The following PDXDC1 variants were observed in gnomAD, a reference collection of about 807,000 sequenced individuals.
PDXDC1 encodes the protein pyridoxal dependent decarboxylase domain containing 1, also known as pyridoxal-dependent decarboxylase domain-containing protein 1.
Under a neutral mutation model 100.1 loss-of-function variants are expected in PDXDC1, and 42 were observed. The ratio of observed to expected loss-of-function variants is 0.42; its 90% confidence interval spans 0.33 to 0.54. The LOEUF is 0.54. Among genes scored for constraint, PDXDC1 ranks in the 20% least tolerant of loss-of-function variants. The pLI is 0.10. For missense variants in PDXDC1, 636 were observed against 979.2 expected (o/e 0.65, Z 4.68); for synonymous variants, 260 against 371.7 (o/e 0.70, Z 3.46).
intron 16 of PDXDC1, chr16:15,130,395 G>T (rs369321856): frequency 4.4e-6 from 7 of 1,576,444 alleles, no homozygotes; most frequent in East Asian, 2.3e-5. Flanking sequence ...CACCTCCAGC[G>T]CCGACAGGCG....
intron 16 of PDXDC1, chr16:15,130,453 T>G (rs545112652): frequency 6.8e-7 from 1 of 1,462,512 alleles, no homozygotes; most frequent in African/African-American, 1.4e-5. Flanking sequence ...GGGTCTCTGG[T>G]CCTGGGCAGG....
intron 16 of PDXDC1, among the ~76,000 whole-genome samples, chr16:15,085,917 G>T (rs1021159555): frequency 3.3e-5 from 5 of 152,110 alleles, no homozygotes; most frequent in Non-Finnish European, 7.3e-5. Flanking sequence ...TTCACCAGGA[G>T]TTCAATAAAG....
chr16:15,126,174 A>T (rs1410698641), intron 16 of PDXDC1, among the ~76,000 whole-genome samples: 2 of 151,478 alleles, frequency 1.3e-5, no homozygotes, highest in African/African-American at 4.9e-5. Context: ...AGCTGGGATT[A>T]CAGGTGCCTG....
chr16:15,083,034 G>A (rs1394743286), intron 16 of PDXDC1, among the ~76,000 whole-genome samples: 2 of 152,164 alleles, frequency 1.3e-5, no homozygotes, highest in Admixed American at 6.5e-5. Context: ...CCCAATAGCC[G>A]CTTTATAAGA....
chr16:15,021,776 T>C (rs2042226236), intron 12 of PDXDC1, among the ~76,000 whole-genome samples: 1 of 152,292 alleles, frequency 6.6e-6, no homozygotes, highest in African/African-American at 2.4e-5. Flanking sequence ...TAGTCCACAG[T>C]GGAGCATACA....
chr16:14,980,371 A>T (rs1247981086), intron 1 of PDXDC1, among the ~76,000 whole-genome samples: 1 of 152,228 alleles, frequency 6.6e-6, no homozygotes, highest in African/African-American at 2.4e-5. Flanking sequence ...TCTCAGCTCT[A>T]TGCGACCTCT....
intron 16 of PDXDC1, among the ~76,000 whole-genome samples, chr16:15,129,001 G>T (rs1269277330): frequency 1.3e-5 from 2 of 150,604 alleles, no homozygotes; most frequent in Non-Finnish European, 3.0e-5. Flanking sequence ...TAGAGACAGG[G>T]TTTCACCGTT....
Position 15,112,084 on chromosome 16 carries a change from C to T in PDXDC1, c.1400-26795C>T, listed in dbSNP as rs544439989. ...AAACATTCTCACTAATGACTGAATT[C>T]CCACCAAATTTCCATATTATCACAG... On this transcript the variant is annotated intron_variant, in intron 16 of 16. Transcript: ENST00000535621. 1.7e-4 allele frequency among the ~76,000 whole-genome samples: 25 copies of T among 148,192 alleles called. No individual in the cohort carries two copies. In the Middle Eastern group the frequency reaches 0.021, roughly 123 times the overall value.
At chr16:15,039,223 C>T (rs905345954), downstream of PDXDC1, among the ~76,000 whole-genome samples, 1 of 152,170 alleles carries the variant, frequency 6.6e-6, no homozygotes, top group African/African-American at 2.4e-5. Context: ...TGGTAACTGA[C>T]ACTGAAATAT....
chr16:15,005,159 C>T (rs140566486), intron 5 of PDXDC1, among the ~76,000 whole-genome samples: 310 of 152,222 alleles, frequency 2.0e-3, no homozygotes, highest in Non-Finnish European at 2.9e-4. Flanking sequence ...GAGATCGAGA[C>T]CATTCTGGCT....
rs144916385 is a variant in PDXDC1, at chr16:15,104,526, G to C, written c.1400-34353G>C. ...CTGAGGGTGGAGCTGAGGGTGGAAGGGGAGTGAGCAGACACTCGGAGGTGT... is the reference window on the plus strand; with the variant it reads ...CTGAGGGTGGAGCTGAGGGTGGAAGCGGAGTGAGCAGACACTCGGAGGTGT... On this transcript the variant is annotated intron_variant, in intron 16 of 16. Coordinates refer to the PDXDC1 transcript ENST00000535621. 1,108 of 1,489,930 alleles carry C rather than the reference G, an allele frequency of 7.4e-4. 16 individuals carry two copies. The highest frequency in any genetic ancestry group is 1.4e-3 in the Admixed American group (78 of 54,936). 92.3% of individuals were successfully genotyped at this position (1,489,930 alleles called of 1,614,324 possible).
intron 16 of PDXDC1, among the ~76,000 whole-genome samples, chr16:15,064,162 C>T (rs865984503): frequency 6.6e-6 from 1 of 151,806 alleles, no homozygotes; most frequent in East Asian, 1.9e-4. Flanking sequence ...CTAGATAAAT[C>T]GCTTTTTGTT....
chr16:15,071,146 C>T (rs771539827), intron 16 of PDXDC1: 4 of 1,609,146 alleles, frequency 2.5e-6, no homozygotes, highest in South Asian at 1.1e-5. Flanking sequence ...TTAGCTCTTG[C>T]CAAAAAGCTT....
At chr16:15,066,167 G>C (rs1206133707) in intron 16 of PDXDC1, among the ~76,000 whole-genome samples, 1 of 152,126 alleles carries the variant, frequency 6.6e-6, no homozygotes, top group Admixed American at 6.6e-5. Flanking sequence ...CACAGCACTT[G>C]ACCCCTCCTC....
chr16:15,127,001 G>A (rs1598207341), intron 16 of PDXDC1: 4 of 339,740 alleles, frequency 1.2e-5, no homozygotes, highest in Non-Finnish European at 1.7e-5. Context: ...ATGTTGCCCA[G>A]GCTGGTCTCA....
At chr16:15,061,716 G>T (rs755635841) in intron 16 of PDXDC1, 27 of 1,595,294 alleles carry the variant, frequency 1.7e-5, no homozygotes, top group Non-Finnish European at 2.1e-5. Flanking sequence ...AATCCCAAAT[G>T]TCACATCTCA....
In PDXDC1 at chr16:15,125,708, A is replaced by G. The variant is rs2047675519; in HGVS notation, c.1400-13171A>G. 7 of 1,377,278 alleles carry G rather than the reference A, an allele frequency of 5.1e-6. No individual in the cohort carries two copies. In the East Asian group the frequency reaches 1.6e-4, roughly 32 times the overall value. 85.3% of individuals were successfully genotyped at this position (1,377,278 alleles called of 1,614,324 possible). A position where few individuals can be genotyped will look rare whatever the true frequency, so the allele number is the denominator to read the frequency against. ...GCCCTCACCTCAGCGTGGAGGCCTG[A>G]GAACGTGAGGAAGGAGCTGTCCAGC... On this transcript the variant is annotated intron_variant, in intron 16 of 16. Transcript: ENST00000535621.
rs1163800554 is a variant in PDXDC1, at chr16:15,112,026, C to CA, written c.1400-26852dup. 1.0e-4 allele frequency among the ~76,000 whole-genome samples: 15 copies of CA among 147,368 alleles called. 2 individuals are homozygous for CA. The highest frequency in any genetic ancestry group is 1.0e-3 in the Admixed American group (15 of 14,798). On this transcript the variant is annotated intron_variant, in intron 16 of 16. Coordinates refer to the PDXDC1 transcript ENST00000535621. Reference sequence around the variant, plus strand: ...GAGTTCACTTTCCCTTCCCTCACATCAGCTTCGTTGAGGCTGGTTTGAACT... The same window carrying CA: ...GAGTTCACTTTCCCTTCCCTCACATCAAGCTTCGTTGAGGCTGGTTTGAACT...
At chr16:15,083,659 A>G (rs2045795373) in intron 16 of PDXDC1, 34 of 1,568,408 alleles carry the variant, frequency 2.2e-5, no homozygotes, top group Non-Finnish European at 2.9e-5. Flanking sequence ...CTACCATTCT[A>G]AAAGCAAATA....
Sources: allele counts gnomAD v4.1 joint callset (sites outside exome capture counted in the v4.1 genomes callset), GRCh38; gene constraint gnomAD v4.1.1; transcripts MANE v1.5; gene names NCBI Gene and HGNC (gene_info 2026-07-23, HGNC 2026-07-21).